The following THSD7A variants were observed in gnomAD, a reference collection of about 807,000 sequenced individuals.
THSD7A encodes thrombospondin type-1 domain-containing protein 7A.
THSD7A carries 96 observed loss-of-function variants against 231.3 expected under a neutral mutation model. That is an observed-to-expected ratio of 0.41 (90% confidence interval 0.35 to 0.49). The LOEUF is 0.49. THSD7A is among the 20% of genes least tolerant of loss of function. The pLI, the probability that THSD7A is intolerant of heterozygous loss-of-function variation, is 0.05. For synonymous variants in THSD7A, 940 were observed against 743.3 expected (o/e 1.26, Z -4.30); for missense variants, 2,290 against 2,070.2 (o/e 1.11, Z -2.06).
chr7:11,494,719 C>G (rs113167947), intron 6 of THSD7A, among the ~76,000 whole-genome samples: 5 of 152,092 alleles, frequency 3.3e-5, no homozygotes, highest in African/African-American at 1.2e-4. Flanking sequence ...GGCAGGATTT[C>G]TAGTCCATAT....
Position 11,424,698 on chromosome 7 carries a change from C to T in THSD7A, c.3381G>A (p.Val1127=). The change falls in exon 16 of 28, where the codon GTG becomes GTA. Residue 1127 remains valine, a splice_region_variant and synonymous_variant. Coordinates refer to ENST00000423059, the MANE Select transcript of THSD7A (RefSeq NM_015204.3). ...NCGEGVQTRK[V]RCMQNTADGP... is the part of the protein sequence containing the mutation. ...TGTATAATTAGGCTTTGTCTTACCT[C>T]ACTTTTCGGGTTTGCACGCCCTCTC... 5 of 1,613,952 alleles carry T rather than the reference C, an allele frequency of 3.1e-6. No homozygotes were observed. Among genetic ancestry groups the T allele is most frequent in the Non-Finnish European group, 4.2e-6 (5 of 1,179,866 alleles).
intron 19 of THSD7A, among the ~76,000 whole-genome samples, chr7:11,407,937 TA>T (rs1309483754): frequency 6.6e-6 from 1 of 152,062 alleles, no homozygotes; most frequent in African/African-American, 2.4e-5. Flanking sequence ...AGCTATCTTT[TA>T]AAAAAAGAAA....
chr7:11,474,375 G>C lies in THSD7A; in HGVS notation c.2211C>G (p.Val737=). The C allele has an allele frequency of 6.2e-7, 1 of 1,613,442 alleles. No homozygotes were observed. The highest frequency in any genetic ancestry group is 8.5e-7 in the Non-Finnish European group (1 of 1,179,544). The change falls in exon 8 of 28, where the codon GTC becomes GTG. Residue 737 remains valine (V), a synonymous_variant. Transcript: ENST00000423059. This position sits in a 1 kb window ranked among gnomAD's most constrained non-coding sequence, Gnocchi z 4.1. ...SCSVGMQTRK[V]ICVRVNVGQV... ...GGCCCACATTGACTCGCACACAGAT[G>C]ACTTTTCTTGTCTGCATGCCGACAG...
At chr7:11,732,663 AT>A (rs1232151845) in intron 1 of THSD7A, among the ~76,000 whole-genome samples, 2 of 151,758 alleles carry the variant, frequency 1.3e-5, no homozygotes. Flanking sequence ...ACAATAGCAA[AT>A]TTGTTTTCAA....
rs529563529 is a variant in THSD7A, at chr7:11,636,918, G to A, written c.234C>T (p.Gly78=). The A allele has an allele frequency of 3.1e-5, 50 of 1,612,910 alleles. No homozygotes were observed. The Middle Eastern group carries it at 6.6e-4, about 21-fold the overall frequency. Residue 78 remains glycine, a synonymous_variant, in exon 2 of 28, where the codon GGC becomes GGT. Coordinates refer to ENST00000423059, the MANE Select transcript of THSD7A (RefSeq NM_015204.3). This position sits in a 1 kb window ranked among gnomAD's most constrained non-coding sequence, Gnocchi z 10.0. The part of the protein sequence containing the change: ...RCMGDECGPG[G]IQTRAVWCAH... ...CACACCACACAGCCCTCGTTTGGAT[G>A]CCTCCGGGACCACATTCATCTCCCA...
rs1785216212 is a variant in THSD7A, at chr7:11,832,101, C to G, written c.-155G>C. 5 of 473,500 alleles carry G rather than the reference C, an allele frequency of 1.1e-5. No homozygotes were observed. The Admixed American group carries it at 2.4e-4, about 22-fold the overall frequency. The allele number at this position is 473,500 out of a possible 1,614,324, so 29.3% of individuals were successfully genotyped here. ...GAAGGAGGGAGAGCGCGTCTAACAC[C>G]AGGGAACAATAGCGTCCGCGGTGGT... On this transcript the variant is annotated 5_prime_UTR_variant, in exon 1 of 28. Coordinates refer to ENST00000423059, the MANE Select transcript of THSD7A (RefSeq NM_015204.3).
In THSD7A at chr7:11,411,268, G is replaced by C; in HGVS notation, c.3737C>G (p.Thr1246Arg). 1 of 1,613,792 alleles carries C rather than the reference G, an allele frequency of 6.2e-7. No homozygotes were observed. Among genetic ancestry groups the C allele is most frequent in the Non-Finnish European group, 8.5e-7 (1 of 1,179,838 alleles). Residue 1246 changes from threonine (T) to arginine (R), a missense_variant, in exon 19 of 28, where the codon ACA (threonine) becomes AGA (arginine). Coordinates refer to ENST00000423059, the MANE Select transcript of THSD7A (RefSeq NM_015204.3). This position sits in a 1 kb window ranked among gnomAD's most constrained non-coding sequence, Gnocchi z 4.1. ...EKAVCGNGIKTRMLDCVRSDG... is the reference protein window; with the variant it reads ...EKAVCGNGIKRRMLDCVRSDG... ...ACTTCGAACACAATCCAACATCCTT[G>C]TTTTTATTCCATTTCCACAAACTGC... is the stretch of plus-strand genomic sequence containing the variant.
intron 13 of THSD7A, among the ~76,000 whole-genome samples, chr7:11,445,761 G>C (rs1784947170): frequency 6.6e-6 from 1 of 151,982 alleles, no homozygotes; most frequent in African/African-American, 2.4e-5. Context: ...TTAATGTACA[G>C]GCTCTTGATA....
chr7:11,551,752 G>A (rs560603732), intron 4 of THSD7A, among the ~76,000 whole-genome samples: 8 of 152,270 alleles, frequency 5.3e-5, no homozygotes, highest in Admixed American at 5.2e-4. Context: ...CAGTGGGAAT[G>A]TAAATTAGTT....
intron 1 of THSD7A, among the ~76,000 whole-genome samples, chr7:11,811,374 A>G (rs1436463599): frequency 6.6e-6 from 1 of 152,212 alleles, no homozygotes; most frequent in Non-Finnish European, 1.5e-5. Context: ...CTCATGATGC[A>G]TTTAGGAGTA....
chr7:11,693,822 G>A (rs1780307927), intron 1 of THSD7A, among the ~76,000 whole-genome samples: 1 of 151,474 alleles, frequency 6.6e-6, no homozygotes, highest in Admixed American at 6.6e-5. Context: ...TCTAGAGCAT[G>A]ATTATCATTA....
Position 11,636,630 on chromosome 7 carries a change from A to G in THSD7A, c.522T>C (p.Cys174=), listed in dbSNP as rs764030513. The G allele has an allele frequency of 1.5e-5, 25 of 1,613,984 alleles. No homozygotes were observed. The highest frequency in any genetic ancestry group is 2.0e-5 in the Non-Finnish European group (24 of 1,179,900). Residue 174 remains cysteine, a synonymous_variant, in exon 2 of 28, where the codon TGT becomes TGC. Transcript: ENST00000423059. The surrounding 1 kb of genome is among the most constrained non-coding windows in gnomAD (Gnocchi z 10.0). ...GGAGAGGCTTGGGCTCAAAGTACTC[A>G]CAGATGATATCCTCCGCAGGAATGT... The part of the protein sequence containing the change: ...DKDIPAEDII[C]EYFEPKPLLE...
chr7:11,515,390 T>C (rs939419411), intron 6 of THSD7A, among the ~76,000 whole-genome samples: 1 of 152,174 alleles, frequency 6.6e-6, no homozygotes, highest in Non-Finnish European at 1.5e-5. Flanking sequence ...CTTTTGACAA[T>C]GTTCAACTTG....
intron 2 of THSD7A, among the ~76,000 whole-genome samples, chr7:11,623,901 A>G (rs1781396329): frequency 6.6e-6 from 1 of 152,178 alleles, no homozygotes; most frequent in Non-Finnish European, 1.5e-5. Context: ...TGGGACTCCA[A>G]ATAAAATGAC....
intron 7 of THSD7A, among the ~76,000 whole-genome samples, chr7:11,475,024 GA>G (rs1157442932): frequency 6.6e-6 from 1 of 152,032 alleles, no homozygotes; most frequent in Non-Finnish European, 1.5e-5. Flanking sequence ...TATCTAAGTA[GA>G]AAAATAAATA....
At chr7:11,599,515 C>A (rs932449506) in intron 2 of THSD7A, among the ~76,000 whole-genome samples, 6 of 152,080 alleles carry the variant, frequency 3.9e-5, no homozygotes, top group Non-Finnish European at 8.8e-5. Flanking sequence ...TTCCTTTTCC[C>A]TTTATCATGT....
intron 23 of THSD7A, among the ~76,000 whole-genome samples, chr7:11,397,626 T>C (rs779232321): frequency 3.3e-5 from 5 of 152,296 alleles, no homozygotes; most frequent in South Asian, 2.1e-4. Context: ...GGCAACCTGC[T>C]GATTGGGAGA....
At chr7:11,617,041 C>T (rs551465592) in intron 2 of THSD7A, among the ~76,000 whole-genome samples, 2 of 152,246 alleles carry the variant, frequency 1.3e-5, no homozygotes, top group African/African-American at 4.8e-5. Flanking sequence ...TATATTTGTG[C>T]ATTGCAAAAT....
intron 1 of THSD7A, among the ~76,000 whole-genome samples, chr7:11,711,324 C>A (rs888714966): frequency 2.0e-5 from 3 of 150,710 alleles, no homozygotes. Flanking sequence ...TCACAGAGGC[C>A]CAAGTTAAAA....
Sources: allele counts gnomAD v4.1 joint callset (sites outside exome capture counted in the v4.1 genomes callset), GRCh38; gene constraint gnomAD v4.1.1; non-coding constraint Gnocchi (gnomAD v3.1); transcripts MANE v1.5; gene names NCBI Gene and HGNC (gene_info 2026-07-23, HGNC 2026-07-21).